CCDC30: variants seen among roughly 807,000 people sequenced by gnomAD.
The protein encoded by CCDC30 is coiled-coil domain containing 30.
CCDC30 carries 70 observed loss-of-function variants against 100.2 expected under a neutral mutation model. The ratio of observed to expected loss-of-function variants is 0.70; its 90% CI spans 0.58 to 0.85. The LOEUF is 0.85. CCDC30 is among the 40% of genes least tolerant of loss of function. The probability of loss-of-function intolerance (pLI) is 0.00; values close to 1 mark genes in which losing one functional copy is unlikely to be tolerated. For synonymous variants in CCDC30, 233 were observed against 269.5 expected (o/e 0.86, Z 1.33); for missense variants, 652 against 771.2 (o/e 0.85, Z 1.83).
intron 3 of CCDC30, among the ~76,000 whole-genome samples, chr1:42,483,226 G>A (rs958400019): frequency 1.6e-4 from 25 of 152,264 alleles, no homozygotes; most frequent in African/African-American, 5.8e-4. Context: ...GTTACACGTA[G>A]CAGTTGTTTG....
intron 6 of CCDC30, among the ~76,000 whole-genome samples, chr1:42,499,953 C>T (rs529173752): frequency 6.6e-6 from 1 of 152,188 alleles, no homozygotes; most frequent in Admixed American, 6.5e-5. Flanking sequence ...CGTCCCACCC[C>T]ACTTCTTCTA....
At chr1:42,603,931 T>C (rs962738759) in intron 10 of CCDC30, among the ~76,000 whole-genome samples, 3 of 152,180 alleles carry the variant, frequency 2.0e-5, no homozygotes, top group African/African-American at 7.2e-5. Flanking sequence ...TAATAAGTGG[T>C]TTGAAGGGAC....
intron 6 of CCDC30, among the ~76,000 whole-genome samples, chr1:42,540,242 A>G (rs1252286924): frequency 6.6e-6 from 1 of 152,200 alleles, no homozygotes; most frequent in East Asian, 1.9e-4. Flanking sequence ...GGATTGGGAC[A>G]TAGATCAGAT....
chr1:42,637,194 T>A (rs1647177091), intron 11 of CCDC30, 43 bp from the exon 16 acceptor site: 1 of 1,509,974 alleles, frequency 6.6e-7, no homozygotes, highest in Non-Finnish European at 8.9e-7. Context: ...AAATAAATTT[T>A]AACTGTGTTC....
chr1:42,459,573 G>T (rs769554537), upstream of CCDC30: 1 of 1,582,002 alleles, frequency 6.3e-7, no homozygotes, highest in South Asian at 1.1e-5. Context: ...ACCATTGTTT[G>T]CTTATTAAGC....
chr1:42,553,383 T>A (rs1645294719), intron 6 of CCDC30, among the ~76,000 whole-genome samples: 1 of 152,056 alleles, frequency 6.6e-6, no homozygotes, highest in African/African-American at 2.4e-5. Flanking sequence ...CTTTTAATGT[T>A]TGTTTTATAT....
At chr1:42,525,566 T>G (rs1644711495) in intron 6 of CCDC30, among the ~76,000 whole-genome samples, 1 of 152,246 alleles carries the variant, frequency 6.6e-6, no homozygotes, top group South Asian at 2.1e-4. Flanking sequence ...CACTGATTTT[T>G]TTCCTAGTTG....
chr1:42,621,422 C>T (rs1646828475), intron 11 of CCDC30, among the ~76,000 whole-genome samples: 1 of 151,708 alleles, frequency 6.6e-6, no homozygotes, highest in Non-Finnish European at 1.5e-5. Context: ...CTCAAGTGAT[C>T]CTTCCACTTC....
intron 6 of CCDC30, among the ~76,000 whole-genome samples, chr1:42,543,221 C>T (rs1430642882): frequency 6.7e-6 from 1 of 149,700 alleles, no homozygotes; most frequent in Non-Finnish European, 1.5e-5. Context: ...GATCTGCCCA[C>T]CTCAGCCTCC....
At chr1:42,630,022 T>C (rs568142671) in intron 11 of CCDC30, among the ~76,000 whole-genome samples, 52 of 144,106 alleles carry the variant, frequency 3.6e-4, no homozygotes, top group Non-Finnish European at 6.1e-4. Context: ...TTGCCCATGC[T>C]GGAGTGCAGT....
chr1:42,614,154 C>G (rs552142835), intron 11 of CCDC30, among the ~76,000 whole-genome samples: 1 of 150,312 alleles, frequency 6.7e-6, no homozygotes, highest in African/African-American at 2.5e-5. Flanking sequence ...GATCTCGGCT[C>G]ACTGCAAGCT....
At chr1:42,483,872 CT>C (rs1216020664) in intron 3 of CCDC30, among the ~76,000 whole-genome samples, 2 of 151,742 alleles carry the variant, frequency 1.3e-5, no homozygotes, top group Non-Finnish European at 2.9e-5. Context: ...TGTTTAAAGC[CT>C]TTTCTTCACT....
chr1:42,583,478 T>C (rs1031676924), intron 9 of CCDC30, among the ~76,000 whole-genome samples: 3 of 152,242 alleles, frequency 2.0e-5, no homozygotes, highest in Non-Finnish European at 1.5e-5. Context: ...TTTAAATAGT[T>C]AGATTGTAAC....
At chr1:42,493,883 T>C (rs1347151409) in intron 4 of CCDC30, among the ~76,000 whole-genome samples, 1 of 151,960 alleles carries the variant, frequency 6.6e-6, no homozygotes, top group Non-Finnish European at 1.5e-5. Context: ...AAGAAATAGC[T>C]CTAAATCTAT....
chr1:42,636,069 C>A (rs886259511), intron 11 of CCDC30, among the ~76,000 whole-genome samples: 1 of 152,032 alleles, frequency 6.6e-6, no homozygotes, highest in African/African-American at 2.4e-5. Flanking sequence ...GCTTATTGGC[C>A]ATAACTTAGA....
intron 11 of CCDC30, among the ~76,000 whole-genome samples, chr1:42,611,961 AT>A (rs1007331563): frequency 8.0e-5 from 12 of 149,916 alleles, no homozygotes; most frequent in East Asian, 5.9e-4. Context: ...GCCCAGTGCA[AT>A]TTTTTTTTTG....
chr1:42,460,610 T>C (rs1479026346), upstream of CCDC30, among the ~76,000 whole-genome samples: 1 of 152,222 alleles, frequency 6.6e-6, no homozygotes, highest in East Asian at 1.9e-4. Context: ...AATATGTCCT[T>C]CCACCTGGGA....
chr1:42,495,596 G>A (rs1159120706), intron 4 of CCDC30, among the ~76,000 whole-genome samples: 2 of 151,988 alleles, frequency 1.3e-5, no homozygotes, highest in African/African-American at 4.8e-5. Flanking sequence ...TCAGGAGGCT[G>A]AGGCAGGAAA....
intron 6 of CCDC30, among the ~76,000 whole-genome samples, chr1:42,561,570 C>T (rs913326621): frequency 2.0e-4 from 30 of 152,282 alleles, no homozygotes; most frequent in African/African-American, 7.0e-4. Context: ...CCTCTCTCAC[C>T]ATACCTATTC....
Sources: gnomAD v4.1 joint callset for allele counts (sites outside exome capture counted in the v4.1 genomes callset) on GRCh38, gnomAD v4.1.1 for gene constraint, MANE v1.5 for transcripts, NCBI Gene and HGNC (gene_info 2026-07-23, HGNC 2026-07-21) for gene names.